The following EPG5 variants were observed in gnomAD, a reference collection of about 807,000 sequenced individuals.
The protein encoded by EPG5 is ectopic P-granules 5 autophagy tethering factor, also known as ectopic P granules protein 5 homolog.
Under a neutral mutation model 302.7 loss-of-function variants are expected in EPG5, and 159 were observed. That is an observed-to-expected ratio of 0.53 (90% CI 0.46 to 0.60). The LOEUF (loss-of-function observed/expected upper bound fraction) is 0.60, where lower values mean the gene tolerates loss of function less well. Among genes scored for constraint, EPG5 ranks in the 20% least tolerant of loss-of-function variants. The probability of loss-of-function intolerance (pLI) is 0.00; values close to 1 mark genes in which losing one functional copy is unlikely to be tolerated. For synonymous variants in EPG5, 1,158 were observed against 1,136.8 expected, an observed-to-expected ratio of 1.02 and a Z score of -0.37; for missense variants, 2,896 against 3,092.4, an observed-to-expected ratio of 0.94 and a Z score of 1.51.
intron 4 of EPG5, among the ~76,000 whole-genome samples, chr18:45,950,213 C>T (rs536588910): frequency 2.6e-5 from 4 of 152,176 alleles, no homozygotes; most frequent in Non-Finnish European, 4.4e-5. Context: ...CAGATTTTTT[C>T]GGATTTTGGA....
chr18:45,896,640 G>A (rs554422613), intron 27 of EPG5, among the ~76,000 whole-genome samples: 2 of 147,836 alleles, frequency 1.4e-5, no homozygotes, highest in Non-Finnish European at 3.1e-5. Flanking sequence ...GACCTCCTGC[G>A]GTTAAGTGAT....
At chr18:45,812,629 T>C in the EPG5 span, among the ~76,000 whole-genome samples, 1 of 152,160 alleles carries the variant, frequency 6.6e-6, no homozygotes, top group African/African-American at 2.4e-5. Context: ...TCTACAACTG[T>C]CTGATCTTTG....
rs2048499719 is a variant in EPG5 at position 45,855,589 on chromosome 18, G to A, written c.7541C>T (p.Thr2514Ile). 1.2e-6 allele frequency: 2 copies of A among 1,613,804 alleles called. No homozygotes were observed. Among genetic ancestry groups the A allele is most frequent in the East Asian group, 2.2e-5 (1 of 44,868 alleles). ...TATACTGACCTGCTGAGCTTTGGGGGTCAGATGTAATTCAGAGCCAGGCCT... is the reference window on the plus strand; with the variant it reads ...TATACTGACCTGCTGAGCTTTGGGGATCAGATGTAATTCAGAGCCAGGCCT... Reference protein sequence around the residue: ...RLRPGSELHLTPKAQQALNAL... With the variant: ...RLRPGSELHLIPKAQQALNAL... Residue 2514 changes from threonine (T) to isoleucine (I), a missense_variant, in exon 43 of 44, where the codon ACC becomes ATC. Physicochemically the swap from Thr to Ile is moderately conservative, Grantham distance 89 (BLOSUM62 -1). Transcript: ENST00000282041.
At chr18:45,814,140 A>T in the EPG5 span, among the ~76,000 whole-genome samples, 1 of 152,164 alleles carries the variant, frequency 6.6e-6, no homozygotes, top group African/African-American at 2.4e-5. Context: ...ATCAAAATCA[A>T]CATCACCAAT....
At position 45,916,497 on chromosome 18, in the gene EPG5, G is replaced by A; in HGVS notation, c.3325C>T (p.Gln1109Ter). 1.2e-6 allele frequency: 2 copies of A among 1,613,790 alleles called. No individual in the cohort carries two copies. Among genetic ancestry groups the A allele is most frequent in the Non-Finnish European group, 1.7e-6 (2 of 1,179,734 alleles). Residue 1109 changes from glutamine to a stop codon, truncating the protein, a stop_gained, in exon 18 of 44, where the codon CAG (glutamine) becomes TAG (stop). Transcript: ENST00000282041. LOFTEE classifies it high-confidence loss of function. The part of the protein sequence containing the change: ...VTQQVTHKVA[Q>*]HLTGASHGDN... The stretch of plus-strand genomic sequence containing the variant: ...CCATGGCTGGCTCCTGTCAGGTGCT[G>A]TGCCACCTTGTGGGTGACCTGTTGT...
At chr18:45,959,657 T>TATAA (rs1325765064) in intron 1 of EPG5, among the ~76,000 whole-genome samples, 8 of 95,750 alleles carry the variant, frequency 8.4e-5, no homozygotes, top group Non-Finnish European at 1.7e-4. Context: ...CGAGACTGTC[T>TATAA]CTAAATAAAT....
chr18:45,963,928 G>A (rs1310103549), intron 1 of EPG5, among the ~76,000 whole-genome samples: 1 of 152,156 alleles, frequency 6.6e-6, no homozygotes, highest in Non-Finnish European at 1.5e-5. Flanking sequence ...GAGAGGAAAT[G>A]CACAGAATCA....
intron 13 of EPG5, among the ~76,000 whole-genome samples, chr18:45,926,835 A>G (rs1399980018): frequency 2.7e-5 from 4 of 150,720 alleles, no homozygotes; most frequent in Admixed American, 6.6e-5. Flanking sequence ...AAAAGAAGCC[A>G]AAAACAAGAA....
At chr18:45,884,569 A>C (rs2049177403) in intron 30 of EPG5, 48 bp downstream of exon 30, 1 of 1,504,774 alleles carries the variant, frequency 6.6e-7, no homozygotes, top group Non-Finnish European at 9.0e-7. Flanking sequence ...GGAAGCAACA[A>C]TCATTCCTAC....
intron 1 of EPG5, among the ~76,000 whole-genome samples, chr18:45,960,384 C>G: frequency 6.6e-6 from 1 of 152,168 alleles, no homozygotes. Flanking sequence ...AAATGGTCCT[C>G]CTGCCTAGCC....
At chr18:45,941,434 T>C (rs1236133782) in intron 9 of EPG5, among the ~76,000 whole-genome samples, 1 of 151,844 alleles carries the variant, frequency 6.6e-6, no homozygotes, top group African/African-American at 2.4e-5. Flanking sequence ...CAAGTTCAAG[T>C]GAGGATGGAG....
chr18:45,823,331 A>G, the EPG5 span, among the ~76,000 whole-genome samples: 1 of 152,156 alleles, frequency 6.6e-6, no homozygotes, highest in Admixed American at 6.5e-5. Flanking sequence ...TTCACTTTAG[A>G]AGGTTCACTC....
Position 45,943,311 on chromosome 18 carries a change from C to A in EPG5, c.1793G>T (p.Gly598Val). The change falls in exon 9 of 44, where the codon GGT becomes GTT. Residue 598 changes from glycine (G) to valine (V), a missense_variant and splice_region_variant. Gly to Val is a moderately radical substitution (Grantham distance 109). Transcript: ENST00000282041. ...FQHLLGFKAK[G>V]DYLPETTRPQ... ...TCTTGTTGTTTCAGGTAAATAATCA[C>A]CTAGAAGTTAATCAGATAAAAGAAA... 6.2e-7 allele frequency: 1 copy of A among 1,613,138 alleles called. No homozygotes were observed. The highest frequency in any genetic ancestry group is 8.5e-7 in the Non-Finnish European group (1 of 1,179,430).
rs2048429023 is a variant in EPG5 at position 45,851,960 on chromosome 18, A to G, written c.*507T>C. On this transcript the variant is annotated 3_prime_UTR_variant, in exon 44 of 44. Transcript: ENST00000282041. ...TTTTATCTCCCTTCTGAGAAAAACA[A>G]TACTTTAAAACTATTGTATTTGTCC... 1 of 152,388 alleles carries G rather than the reference A, an allele frequency of 6.6e-6. No individual in the cohort carries two copies. Among genetic ancestry groups the G allele is most frequent in the Admixed American group, 6.5e-5 (1 of 15,286 alleles). 9.4% of individuals were successfully genotyped at this position (152,388 alleles called of 1,614,324 possible).
intron 28 of EPG5, among the ~76,000 whole-genome samples, chr18:45,888,656 T>C (rs1333908971): frequency 2.0e-5 from 3 of 152,154 alleles, no homozygotes; most frequent in Non-Finnish European, 2.9e-5. Flanking sequence ...GTCAGGCTTA[T>C]GTCAAACTCC....
At chr18:45,834,965 T>C in the EPG5 span, among the ~76,000 whole-genome samples, 1 of 152,118 alleles carries the variant, frequency 6.6e-6, no homozygotes, top group Non-Finnish European at 1.5e-5. Context: ...TCAGACAGGG[T>C]TTCTCAAATT....
chr18:45,840,368 C>A, the EPG5 span: 1 of 1,075,650 alleles, frequency 9.3e-7, no homozygotes, highest in South Asian at 1.7e-5. Flanking sequence ...TGACCAGGGG[C>A]TGGGCCTTCC....
chr18:45,949,610 A>C lies in EPG5; in HGVS notation c.1390-19T>G. The stretch of plus-strand genomic sequence containing the variant: ...CGGATACCTGAACAATAAAGGTCAT[A>C]TGATCTCACTATTTTTAATAAAAGA... On this transcript the variant is annotated intron_variant, in intron 4 of 43. Transcript: ENST00000282041. 6.7e-7 allele frequency: 1 copy of C among 1,483,400 alleles called. No homozygotes were observed. Among genetic ancestry groups the C allele is most frequent in the Non-Finnish European group, 9.4e-7 (1 of 1,065,228 alleles). 91.9% of individuals were successfully genotyped at this position (1,483,400 alleles called of 1,614,324 possible).
At chr18:45,836,603 G>A in the EPG5 span, among the ~76,000 whole-genome samples, 1 of 152,198 alleles carries the variant, frequency 6.6e-6, no homozygotes, top group African/African-American at 2.4e-5. Flanking sequence ...ACACATCCAT[G>A]GTTCACAAGG....
Sources: allele counts gnomAD v4.1 joint callset (sites outside exome capture counted in the v4.1 genomes callset), GRCh38; gene constraint gnomAD v4.1.1; transcripts MANE v1.5; gene names NCBI Gene and HGNC (gene_info 2026-07-23, HGNC 2026-07-21).